The following ANKRD44 variants were observed in gnomAD, a reference collection of about 807,000 sequenced individuals.
ANKRD44 encodes ankyrin repeat domain 44.
In ANKRD44, 35 loss-of-function variants were observed where a neutral mutation model predicts 116.0. The observed-to-expected ratio is 0.30, with a 90% CI of 0.23 to 0.40. The LOEUF (loss-of-function observed/expected upper bound fraction) is 0.40. ANKRD44 is among the 10% of genes least tolerant of loss of function. The pLI, the probability that ANKRD44 is intolerant of heterozygous loss-of-function variation, is 1.00. For missense variants in ANKRD44, 1,014 were observed against 1,242.6 expected (o/e 0.82, Z 2.77); for synonymous variants, 435 against 461.8 (o/e 0.94, Z 0.74).
In ANKRD44 at chr2:197,001,758, A is replaced by AC; in HGVS notation, c.2429dup (p.Cys810TrpfsTer6). 6.2e-7 allele frequency: 1 copy of AC among 1,610,014 alleles called. No homozygotes were observed. Among genetic ancestry groups the AC allele is most frequent in the Middle Eastern group, 1.7e-4 (1 of 6,054 alleles). On this transcript the variant is annotated frameshift_variant, in exon 22 of 28. Transcript: ENST00000282272. LOFTEE classifies it high-confidence loss of function. ...CTCTCAGCGTTTCTACTTACATTGCACAGTGCAGTGGAGTAAAGGGATTAC... is the reference window on the plus strand; with the variant it reads ...CTCTCAGCGTTTCTACTTACATTGCACCAGTGCAGTGGAGTAAAGGGATTAC...
At chr2:197,007,784 G>A (rs755564509) in intron 20 of ANKRD44, 22 bp downstream of exon 20, 2 of 1,521,634 alleles carry the variant, frequency 1.3e-6, no homozygotes, top group South Asian at 2.3e-5. Context: ...TGCTTGACTA[G>A]AGCTGAGAAA....
At chr2:197,074,849 G>A (rs1270083316) in intron 16 of ANKRD44, among the ~76,000 whole-genome samples, 2 of 152,026 alleles carry the variant, frequency 1.3e-5, no homozygotes, top group African/African-American at 4.8e-5. Flanking sequence ...AAAGTCCGGT[G>A]ATAAACACAA....
Position 197,212,475 on chromosome 2 carries a change from G to A in ANKRD44, c.28-25369C>T, listed in dbSNP as rs954657633. Among the ~76,000 whole-genome samples, 1 of 152,154 alleles carries A rather than the reference G, an allele frequency of 6.6e-6. No homozygotes were observed. Among genetic ancestry groups the A allele is most frequent in the African/African-American group, 2.4e-5 (1 of 41,424 alleles). On this transcript the variant is annotated intron_variant, in intron 1 of 27. Coordinates refer to ENST00000282272, the MANE Select transcript of ANKRD44 (RefSeq NM_001195144.2). The surrounding 1 kb of genome is among the most constrained non-coding windows in gnomAD (Gnocchi z 4.8). ...TCTCAGGAATCTACCAAGACCATAA[G>A]TTTTAGAAGGGCAGGGATTCGGTCA...
intron 2 of ANKRD44, among the ~76,000 whole-genome samples, chr2:197,182,781 G>C (rs903754985): frequency 1.3e-5 from 2 of 152,120 alleles, no homozygotes; most frequent in African/African-American, 4.8e-5. Flanking sequence ...TCCTGCCTTT[G>C]GTTGGAAAAA....
rs531286502 is a variant in ANKRD44, at chr2:197,125,948, G to A, written c.351C>T (p.Asn117=). 5.6e-6 allele frequency: 9 copies of A among 1,614,226 alleles called. No individual in the cohort carries two copies. Among genetic ancestry groups the A allele is most frequent in the Middle Eastern group, 1.6e-4 (1 of 6,062 alleles). ...TCACTTCTGCACATTTGACAGCCTT[G>A]TTGGCTGCTGCCACATGAAGAGGGG... The part of the protein sequence containing the change: ...WQTPLHVAAA[N]KAVKCAEVII... Residue 117 remains asparagine (N), a synonymous_variant, in exon 5 of 28, where the codon AAC becomes AAT. Transcript: ENST00000282272.
chr2:197,307,618 A>C (rs1430104250), intron 1 of ANKRD44, among the ~76,000 whole-genome samples: 1 of 152,152 alleles, frequency 6.6e-6, no homozygotes, highest in African/African-American at 2.4e-5. Flanking sequence ...CTCCTGAAAA[A>C]AAAAGAGTTA....
chr2:197,069,926 A>G (rs529548099), intron 16 of ANKRD44, among the ~76,000 whole-genome samples: 132 of 151,290 alleles, frequency 8.7e-4, no homozygotes, highest in African/African-American at 2.9e-3. Flanking sequence ...TTCTTTCATC[A>G]GCATTTTGTG....
chr2:197,110,695 C>G (rs1210674774), intron 9 of ANKRD44, 71 bp downstream of exon 9: 1 of 1,245,548 alleles, frequency 8.0e-7, no homozygotes, highest in Non-Finnish European at 1.2e-6. Context: ...CTTTCATATG[C>G]AGGTGACTGA....
intron 3 of ANKRD44, among the ~76,000 whole-genome samples, chr2:197,144,150 C>T (rs1438646878): frequency 2.0e-5 from 3 of 152,206 alleles, no homozygotes; most frequent in South Asian, 2.1e-4. Flanking sequence ...CTGAATTCTT[C>T]GCCAAGACCT....
intron 16 of ANKRD44, among the ~76,000 whole-genome samples, chr2:197,042,154 A>G (rs981495487): frequency 4.6e-5 from 7 of 152,208 alleles, no homozygotes; most frequent in African/African-American, 1.7e-4. Flanking sequence ...AATTTAAAAA[A>G]TGGTTCCTAC....
At chr2:196,974,889 C>CAA (rs373485155) in intron 21 of ANKRD44, among the ~76,000 whole-genome samples, 18 of 125,184 alleles carry the variant, frequency 1.4e-4, no homozygotes, top group Non-Finnish European at 2.0e-4. Context: ...GACTCCATCT[C>CAA]AAAAAAAAAA....
intron 1 of ANKRD44, among the ~76,000 whole-genome samples, chr2:197,288,477 C>T (rs2083468662): frequency 6.6e-6 from 1 of 152,178 alleles, no homozygotes; most frequent in Admixed American, 6.5e-5. Flanking sequence ...AGCAATCCCA[C>T]TGTTGGGCAT....
intron 1 of ANKRD44, chr2:197,263,347 G>A (rs1015267117): frequency 2.0e-5 from 12 of 595,938 alleles, no homozygotes; most frequent in East Asian, 3.5e-5. Context: ...GGGCTGGGGC[G>A]CCACAGTTGG....
intron 1 of ANKRD44, among the ~76,000 whole-genome samples, chr2:197,276,926 A>ATT (rs371691153): frequency 0.037 from 4,968 of 135,970 alleles, 329 homozygotes; most frequent in African/African-American, 0.13. Context: ...GAACCCAGGA[A>ATT]TTTTTTTTTT....
intron 1 of ANKRD44, among the ~76,000 whole-genome samples, chr2:197,268,366 T>C (rs1430747560): frequency 2.0e-5 from 3 of 152,178 alleles, no homozygotes; most frequent in Non-Finnish European, 4.4e-5. Flanking sequence ...CCAAGAACAA[T>C]GTGATGAAGG....
intron 12 of ANKRD44, among the ~76,000 whole-genome samples, chr2:197,087,519 A>C (rs894222043): frequency 2.6e-5 from 4 of 152,208 alleles, no homozygotes; most frequent in Non-Finnish European, 5.9e-5. Flanking sequence ...TACAAAAGAG[A>C]CAATTGTCCA....
intron 1 of ANKRD44, among the ~76,000 whole-genome samples, chr2:197,308,237 G>C (rs2084133585): frequency 6.6e-6 from 1 of 152,030 alleles, no homozygotes; most frequent in African/African-American, 2.4e-5. Context: ...TGGAGAGCAA[G>C]GTACTCCTGT....
intron 16 of ANKRD44, among the ~76,000 whole-genome samples, chr2:197,055,461 T>C (rs1007182623): frequency 6.6e-6 from 1 of 152,192 alleles, no homozygotes; most frequent in African/African-American, 2.4e-5. Flanking sequence ...TAGAGTCCAA[T>C]ATATCCAGTT....
chr2:196,998,629 A>G (rs531356825), intron 24 of ANKRD44, among the ~76,000 whole-genome samples: 13 of 152,346 alleles, frequency 8.5e-5, no homozygotes, highest in African/African-American at 1.4e-4. Context: ...CTGCTTTTAC[A>G]GTTCATTATT....
Sources: allele counts gnomAD v4.1 joint callset (sites outside exome capture counted in the v4.1 genomes callset), GRCh38; gene constraint gnomAD v4.1.1; non-coding constraint Gnocchi (gnomAD v3.1); transcripts MANE v1.5; gene names NCBI Gene and HGNC (gene_info 2026-07-23, HGNC 2026-07-21).